The following SREBF2 variants were observed in gnomAD, a reference collection of about 807,000 sequenced individuals.
SREBF2 encodes the protein sterol regulatory element binding transcription factor 2, also known as sterol regulatory element-binding protein 2.
A neutral mutation model predicts 113.1 loss-of-function variants in SREBF2; 55 were observed. The ratio of observed to expected loss-of-function variants is 0.49; its 90% confidence interval spans 0.39 to 0.61. The LOEUF is 0.61. SREBF2 is among the 20% of genes least tolerant of loss of function. The pLI, the probability that SREBF2 is intolerant of heterozygous loss-of-function variation, is 0.00. For synonymous variants in SREBF2, 593 were observed against 605.7 expected (o/e 0.98, Z 0.31); for missense variants, 1,349 against 1,487.4 (o/e 0.91, Z 1.53).
At chr22:41,864,781 G>A (rs1302424204) in intron 1 of SREBF2, among the ~76,000 whole-genome samples, 1 of 151,796 alleles carries the variant, frequency 6.6e-6, no homozygotes, top group Non-Finnish European at 1.5e-5. Context: ...GTGAAATCTC[G>A]TCTCTACAGA....
Position 41,905,801 on chromosome 22 carries a change from C to T in SREBF2, c.*141C>T. ...GGCTTCTGGGCCACTCAGGCCAGTGCACCCCTGGGCAGAGCCCCTTAAAGC... is the reference window on the plus strand; with the variant it reads ...GGCTTCTGGGCCACTCAGGCCAGTGTACCCCTGGGCAGAGCCCCTTAAAGC... On this transcript the variant is annotated 3_prime_UTR_variant, in exon 19 of 19. Coordinates refer to ENST00000361204, the MANE Select transcript of SREBF2 (RefSeq NM_004599.4). 1 of 939,140 alleles carries T rather than the reference C, an allele frequency of 1.1e-6. No homozygotes were observed. The highest frequency in any genetic ancestry group is 1.7e-6 in the Non-Finnish European group (1 of 592,112). The allele number at this position is 939,140 out of a possible 1,614,324, so 58.2% of individuals were successfully genotyped here.
intron 15 of SREBF2, chr22:41,899,520 C>A: frequency 1.0e-6 from 1 of 992,190 alleles, no homozygotes; most frequent in Non-Finnish European, 1.2e-6. Context: ...ATCAAGCAGA[C>A]CCTTAACCGG....
At chr22:41,872,695 A>C (rs2077157435) in intron 4 of SREBF2, among the ~76,000 whole-genome samples, 1 of 151,998 alleles carries the variant, frequency 6.6e-6, no homozygotes, top group African/African-American at 2.4e-5. Context: ...GTTTGAGATC[A>C]GCCTGGCCAA....
At chr22:41,836,333 G>T (rs2076774385) in intron 1 of SREBF2, among the ~76,000 whole-genome samples, 1 of 152,202 alleles carries the variant, frequency 6.6e-6, no homozygotes, top group Admixed American at 6.5e-5. Flanking sequence ...CTTGAGATGA[G>T]AAACTCTAGT....
Position 41,875,320 on chromosome 22 carries a change from C to T in SREBF2, c.1090-17C>T, listed in dbSNP as rs1199928560. The T allele has an allele frequency of 4.4e-6, 7 of 1,608,430 alleles. No homozygotes were observed. Among genetic ancestry groups the T allele is most frequent in the Admixed American group, 1.7e-5 (1 of 59,952 alleles). On this transcript the variant is annotated splice_polypyrimidine_tract_variant and intron_variant, in intron 5 of 18. Coordinates refer to ENST00000361204, the MANE Select transcript of SREBF2 (RefSeq NM_004599.4). ...CTGCACTGGTCTCACTGTGTTTTCA[C>T]TCATCTTCCTACCCAGATGCACAAG...
At chr22:41,900,909 C>T (rs1322067372) in intron 16 of SREBF2, 6 of 534,340 alleles carry the variant, frequency 1.1e-5, no homozygotes, top group Middle Eastern at 3.1e-4. Flanking sequence ...ACCCTGGGCA[C>T]CTCCTTGGCT....
chr22:41,898,788 A>G lies in SREBF2; in HGVS notation c.2738+7A>G, dbSNP rs768803637. 7 of 1,613,932 alleles carry G rather than the reference A, an allele frequency of 4.3e-6. No individual in the cohort carries two copies. The highest frequency in any genetic ancestry group is 3.3e-5 in the South Asian group (3 of 90,994). ...AGGCCCTGGAAGTGACAGAGTGCGT[A>G]ACCCTCCTTGGCCACTCACTTGCTT... is the stretch of plus-strand genomic sequence containing the variant. On this transcript the variant is annotated splice_region_variant and intron_variant, in intron 15 of 18. Transcript: ENST00000361204.
At position 41,868,891 on chromosome 22, in the gene SREBF2, T is replaced by C. The variant is rs537912682; in HGVS notation, c.720+99T>C. 1.0e-5 allele frequency: 15 copies of C among 1,485,306 alleles called. 1 individual carries two copies. Among genetic ancestry groups the C allele is most frequent in the Admixed American group, 2.0e-5 (1 of 50,804 alleles). 92.0% of individuals were successfully genotyped at this position (1,485,306 alleles called of 1,614,324 possible). On this transcript the variant is annotated intron_variant, in intron 3 of 18. Transcript: ENST00000361204. ...ACATACTAAGAAGGACCAACCAGAG[T>C]GTACACAAAGCAGCTTGTAGGGCGC...
rs1416219701 is a variant in SREBF2, at chr22:41,906,536, A to C, written c.*876A>C. ...CCCCTACCCCATCTCCTACCTCCAC[A>C]GTACAGACTGTCCCCAACTTAACAG... On this transcript the variant is annotated 3_prime_UTR_variant, in exon 19 of 19. Coordinates refer to ENST00000361204, the MANE Select transcript of SREBF2 (RefSeq NM_004599.4). 6.4e-6 allele frequency: 1 copy of C among 156,012 alleles called. No homozygotes were observed. The highest frequency in any genetic ancestry group is 1.4e-5 in the Non-Finnish European group (1 of 70,222). The allele number at this position is 156,012 out of a possible 1,614,324, so 9.7% of individuals were successfully genotyped here.
intron 11 of SREBF2, among the ~76,000 whole-genome samples, chr22:41,891,733 G>T (rs2077364988): frequency 6.6e-6 from 1 of 152,188 alleles, no homozygotes; most frequent in Non-Finnish European, 1.5e-5. Context: ...CGGCCTGGCA[G>T]CCCCGCCCCT....
intron 16 of SREBF2, among the ~76,000 whole-genome samples, chr22:41,901,527 G>A (rs2077465370): frequency 6.6e-6 from 1 of 152,156 alleles, no homozygotes; most frequent in Admixed American, 6.5e-5. Context: ...CAGGTGTGGT[G>A]GCATGTATCT....
In SREBF2 at chr22:41,839,583, G is replaced by A. The variant is rs116599234; in HGVS notation, c.88+6225G>A. Among the ~76,000 whole-genome samples the A allele has an allele frequency of 4.5e-3, 683 of 152,308 alleles. 5 individuals carry two copies. Among genetic ancestry groups the A allele is most frequent in the African/African-American group, 0.016 (666 of 41,556 alleles). ...GGAGATGGGCAGGTGGAAGCAAGTA[G>A]TTCTCTTTGGAGAAAGTAGAATAAT... On this transcript the variant is annotated intron_variant, in intron 1 of 18. Transcript: ENST00000361204.
At chr22:41,847,084 T>C (rs2076883430) in intron 1 of SREBF2, among the ~76,000 whole-genome samples, 1 of 152,234 alleles carries the variant, frequency 6.6e-6, no homozygotes. Context: ...AAGTATTCTT[T>C]TTCTCTTTAG....
At position 41,875,640 on chromosome 22, in the gene SREBF2, A is replaced by G; in HGVS notation, c.1302A>G (p.Pro434=). ...AGAATGTCCTTCTGATGTCCCCCCC[A>G]GCCTCTGACTCAGGGTCCCAGGCTG... ...FNQNVLLMSP[P]ASDSGSQAGF... Residue 434 remains proline, a synonymous_variant, in exon 7 of 19, where the codon CCA becomes CCG. Transcript: ENST00000361204. The G allele has an allele frequency of 6.2e-7, 1 of 1,614,180 alleles. No individual in the cohort carries two copies. The highest frequency in any genetic ancestry group is 8.5e-7 in the Non-Finnish European group (1 of 1,180,032).
chr22:41,898,879 AGGG>A, intron 15 of SREBF2, 98 bp downstream of exon 15: 3 of 1,533,672 alleles, frequency 2.0e-6, no homozygotes, highest in Non-Finnish European at 2.7e-6. Context: ...GTTGGGGTGA[AGGG>A]TCAGGACTGC....
chr22:41,850,188 G>T (rs1417951606), intron 1 of SREBF2, among the ~76,000 whole-genome samples: 1 of 151,452 alleles, frequency 6.6e-6, no homozygotes, highest in Non-Finnish European at 1.5e-5. Context: ...CGTGGCTTAC[G>T]CCTGTAATCC....
In SREBF2 at chr22:41,875,340, C is replaced by A. The variant is rs777182164; in HGVS notation, c.1093C>A (p.His365Asn). The A allele has an allele frequency of 1.5e-5, 24 of 1,613,626 alleles. No individual in the cohort carries two copies. The highest frequency in any genetic ancestry group is 2.0e-5 in the Non-Finnish European group (24 of 1,179,666). ...DLVMGTDAKM[H>N]KSGVLRKAID... is the part of the protein sequence containing the mutation. ...TTTCACTCATCTTCCTACCCAGATG[C>A]ACAAGTCTGGCGTTCTGAGGAAGGC... Residue 365 changes from histidine to asparagine, a missense_variant, in exon 6 of 19, where the codon CAC (histidine) becomes AAC (asparagine). His to Asn is a moderately conservative substitution (Grantham distance 68). Around this residue, in one of 2 missense-constraint regions of SREBF2, gnomAD observed 699 missense variants for 843.3 expected, o/e 0.83. Coordinates refer to ENST00000361204, the MANE Select transcript of SREBF2 (RefSeq NM_004599.4).
chr22:41,892,504 C>T (rs1162124361), intron 11 of SREBF2, among the ~76,000 whole-genome samples: 1 of 151,732 alleles, frequency 6.6e-6, no homozygotes, highest in Admixed American at 6.6e-5. Flanking sequence ...AAAAATTAGC[C>T]GGGCATGGTG....
In SREBF2 at chr22:41,873,838, C is replaced by G. The variant is rs1391740916; in HGVS notation, c.908C>G (p.Pro303Arg). 3.1e-6 allele frequency: 5 copies of G among 1,612,566 alleles called. No individual in the cohort carries two copies. The highest frequency in any genetic ancestry group is 4.2e-6 in the Non-Finnish European group (5 of 1,179,324). The change falls in exon 5 of 19, where the codon CCT (proline) becomes CGT (arginine). Residue 303 changes from proline (P) to arginine (R), a missense_variant. Pro to Arg is a moderately radical substitution (Grantham distance 103, BLOSUM62 -2). Around this residue, in one of 2 missense-constraint regions of SREBF2, gnomAD observed 699 missense variants for 843.3 expected, o/e 0.83. Coordinates refer to ENST00000361204, the MANE Select transcript of SREBF2 (RefSeq NM_004599.4). ...GSSGTILTTMPVMMGQEKVPI... is the reference protein window; with the variant it reads ...GSSGTILTTMRVMMGQEKVPI... ...AGTGGGACCATTCTGACCACAATGC[C>G]TGTAATGATGGGGCAAGAGAAAGTG...
Sources: allele counts gnomAD v4.1 joint callset (sites outside exome capture counted in the v4.1 genomes callset), GRCh38; gene constraint gnomAD v4.1.1; regional missense constraint gnomAD v4.1.1; transcripts MANE v1.5; gene names NCBI Gene and HGNC (gene_info 2026-07-23, HGNC 2026-07-21).